Variants in WWOX observed in about 807,000 individuals in gnomAD.
The protein encoded by WWOX is WW domain-containing oxidoreductase.
A neutral mutation model predicts 46.2 loss-of-function variants in WWOX; 69 were observed. The ratio of observed to expected loss-of-function variants is 1.49; its 90% CI spans 1.23 to 1.82. The LOEUF (loss-of-function observed/expected upper bound fraction) is 1.82, where lower values mean the gene tolerates loss of function less well. Among genes scored for constraint, WWOX ranks in the 40% most tolerant of loss-of-function variants. WWOX has a pLI of 0.00. For missense variants in WWOX, 919 were observed against 542.6 expected (o/e 1.69, Z -6.89); for synonymous variants, 359 against 202.6 (o/e 1.77, Z -6.56).
intron 8 of WWOX, among the ~76,000 whole-genome samples, chr16:78,909,367 C>G (rs185261848): frequency 1.3e-5 from 2 of 152,290 alleles, no homozygotes; most frequent in East Asian, 3.9e-4. Context: ...CTCATGTATT[C>G]TCTGTTCAGC....
Position 78,365,810 on chromosome 16 carries a change from C to T in WWOX, c.517-21050C>T, listed in dbSNP as rs2081524288. 2.6e-5 allele frequency among the ~76,000 whole-genome samples: 4 copies of T among 152,252 alleles called. No homozygotes were observed. The South Asian group carries it at 8.3e-4, about 32-fold the overall frequency. ...CTCTATGGCTCCCCCCACCAAATTTCTGTGTCTTCATTTGCAACTCTCTTT... is the reference window on the plus strand; with the variant it reads ...CTCTATGGCTCCCCCCACCAAATTTTTGTGTCTTCATTTGCAACTCTCTTT... On this transcript the variant is annotated intron_variant, in intron 5 of 8. Coordinates refer to ENST00000566780, the MANE Select transcript of WWOX (RefSeq NM_016373.4).
intron 5 of WWOX, among the ~76,000 whole-genome samples, chr16:78,345,542 G>A (rs2081080626): frequency 1.3e-5 from 1 of 76,638 alleles, no homozygotes; most frequent in Non-Finnish European, 2.8e-5. Context: ...TACTCGGGAG[G>A]CTGAGGTGGG....
intron 8 of WWOX, among the ~76,000 whole-genome samples, chr16:78,728,747 A>T (rs913690760): frequency 6.6e-6 from 1 of 152,116 alleles, no homozygotes; most frequent in African/African-American, 2.4e-5. Context: ...AAGAGGGAAA[A>T]CAATCTTCCT....
At chr16:78,326,659 C>G (rs1052960867) in intron 5 of WWOX, among the ~76,000 whole-genome samples, 1 of 143,400 alleles carries the variant, frequency 7.0e-6, no homozygotes, top group South Asian at 2.2e-4. Context: ...TTCTGGCATA[C>G]AGCATATGTT....
chr16:78,900,058 T>C (rs917469999), intron 8 of WWOX, among the ~76,000 whole-genome samples: 1 of 72,904 alleles, frequency 1.4e-5, no homozygotes, highest in South Asian at 3.9e-4. Flanking sequence ...CCCTCCTGAC[T>C]TTTTTTTTTT....
intron 8 of WWOX, among the ~76,000 whole-genome samples, chr16:78,639,143 A>G (rs940563292): frequency 6.6e-6 from 1 of 152,166 alleles, no homozygotes; most frequent in Non-Finnish European, 1.5e-5. Flanking sequence ...GGCAAGGTGA[A>G]AACTTGAAAC....
chr16:78,577,379 C>G (rs900920488), intron 8 of WWOX, among the ~76,000 whole-genome samples: 1 of 152,136 alleles, frequency 6.6e-6, no homozygotes, highest in Non-Finnish European at 1.5e-5. Flanking sequence ...TAAAACTGAG[C>G]ATTTGTCCCC....
chr16:79,087,047 A>T (rs1597362232), intron 8 of WWOX, among the ~76,000 whole-genome samples: 1 of 152,208 alleles, frequency 6.6e-6, no homozygotes. Context: ...CTCCTGATGG[A>T]CAGCTCAGAT....
intron 8 of WWOX, among the ~76,000 whole-genome samples, chr16:79,027,537 G>C (rs2550700): frequency 2.0e-5 from 3 of 151,714 alleles, no homozygotes; most frequent in African/African-American, 7.3e-5. Context: ...CCAATTCCCC[G>C]TTCTGGAGAG....
chr16:78,553,736 C>T (rs1850218456), intron 8 of WWOX, among the ~76,000 whole-genome samples: 1 of 152,032 alleles, frequency 6.6e-6, no homozygotes, highest in South Asian at 2.1e-4. Context: ...CTGGGAGAGA[C>T]AGCAGGGTGA....
rs147028069 is a variant in WWOX at position 78,948,993 on chromosome 16, G to C, written c.1057-262615G>C. On this transcript the variant is annotated intron_variant, in intron 8 of 8. Transcript: ENST00000566780. ...CTGCCACTGGCTTTGAAGATGGAGG[G>C]GGCACATGGCTAGAAATATGGGCGG... Among the ~76,000 whole-genome samples the C allele has an allele frequency of 2.0e-3, 306 of 152,160 alleles. 2 individuals are homozygous for C. Among genetic ancestry groups the C allele is most frequent in the African/African-American group, 7.1e-3 (294 of 41,512 alleles).
At position 78,929,755 on chromosome 16, in the gene WWOX, G is replaced by T. The variant is rs372046500; in HGVS notation, c.1057-281853G>T. On this transcript the variant is annotated intron_variant, in intron 8 of 8. Coordinates refer to ENST00000566780, the MANE Select transcript of WWOX (RefSeq NM_016373.4). ...GAAAAGAAAATGGAAAGATGAGGTT[G>T]CAGAGGGTCAGTCCAAGGTGACCAG... is the stretch of plus-strand genomic sequence containing the variant. Among the ~76,000 whole-genome samples, 7 of 152,302 alleles carry T rather than the reference G, an allele frequency of 4.6e-5. No individual in the cohort carries two copies. The East Asian group carries it at 1.4e-3, about 30-fold the overall frequency.
At chr16:78,595,981 G>C (rs959660401) in intron 8 of WWOX, among the ~76,000 whole-genome samples, 1 of 152,034 alleles carries the variant, frequency 6.6e-6, no homozygotes, top group Non-Finnish European at 1.5e-5. Context: ...ACATTCAAAG[G>C]GGATAAGACA....
At chr16:78,290,240 ACTCTGCGAGCG>A (rs1013970398) in intron 5 of WWOX, among the ~76,000 whole-genome samples, 134 of 150,704 alleles carry the variant, frequency 8.9e-4, no homozygotes, top group Admixed American at 5.8e-3. Flanking sequence ...CTCTGCGAGC[ACTCTGCGAGCG>A]GACATGTCGA....
intron 5 of WWOX, among the ~76,000 whole-genome samples, chr16:78,186,453 A>G (rs2035707277): frequency 6.6e-6 from 1 of 152,176 alleles, no homozygotes; most frequent in South Asian, 2.1e-4. Flanking sequence ...TTTATTCTTT[A>G]CATTCGTCTT....
intron 8 of WWOX, among the ~76,000 whole-genome samples, chr16:78,611,863 G>C (rs770654339): frequency 6.6e-6 from 1 of 152,250 alleles, no homozygotes; most frequent in Admixed American, 6.5e-5. Context: ...TACTTTGGAA[G>C]GGGCGTGGCA....
intron 5 of WWOX, chr16:78,278,702 C>A: frequency 6.5e-7 from 1 of 1,549,520 alleles, no homozygotes; most frequent in Non-Finnish European, 8.9e-7. Flanking sequence ...TCATCAATTA[C>A]ATCTTCTTTT....
At position 78,342,463 on chromosome 16, in the gene WWOX, G is replaced by T. The variant is rs962608363; in HGVS notation, c.517-44397G>T. On this transcript the variant is annotated intron_variant, in intron 5 of 8. Transcript: ENST00000566780. ...ATGAAGCAGCATTTTTTATGGGCAG[G>T]TTTGCACGTGGCATTTGTTGCTTCC... Among the ~76,000 whole-genome samples the T allele has an allele frequency of 4.2e-5, 5 of 120,140 alleles. 2 individuals are homozygous for T. Among genetic ancestry groups the T allele is most frequent in the Non-Finnish European group, 9.9e-5 (5 of 50,362 alleles). The allele number at this position is 120,140 out of a possible 152,430, so 78.8% of individuals were successfully genotyped here. A position where few individuals can be genotyped will look rare whatever the true frequency, so the allele number is the denominator to read the frequency against.
chr16:78,906,055 C>T (rs1567639803), intron 8 of WWOX, among the ~76,000 whole-genome samples: 1 of 152,190 alleles, frequency 6.6e-6, no homozygotes, highest in African/African-American at 2.4e-5. Flanking sequence ...GAATGAATAA[C>T]ATAGGCTACA....
Sources: allele counts gnomAD v4.1 joint callset (sites outside exome capture counted in the v4.1 genomes callset), GRCh38; gene constraint gnomAD v4.1.1; transcripts MANE v1.5; gene names NCBI Gene and HGNC (gene_info 2026-07-23, HGNC 2026-07-21).